Variants in SLC24A2 observed in about 807,000 individuals in gnomAD.
SLC24A2 encodes the protein sodium/potassium/calcium exchanger 2.
SLC24A2 carries 36 observed loss-of-function variants against 62.0 expected under a neutral mutation model. That is an observed-to-expected ratio of 0.58 (90% CI 0.44 to 0.77). The LOEUF (loss-of-function observed/expected upper bound fraction) is 0.77, where lower values mean the gene tolerates loss of function less well. Among genes scored for constraint, SLC24A2 ranks in the 30% least tolerant of loss-of-function variants. SLC24A2 has a pLI of 0.00. For synonymous variants in SLC24A2, 358 were observed against 294.0 expected (o/e 1.22, Z -2.23); for missense variants, 846 against 817.9 (o/e 1.03, Z -0.42).
the SLC24A2 span, among the ~76,000 whole-genome samples, chr9:19,906,846 C>A: frequency 6.6e-6 from 1 of 152,072 alleles, no homozygotes; most frequent in African/African-American, 2.4e-5. Context: ...AGCTTACCAA[C>A]CAAAAAAAGT....
chr9:19,835,641 C>T, the SLC24A2 span, among the ~76,000 whole-genome samples: 1 of 152,060 alleles, frequency 6.6e-6, no homozygotes. Context: ...ACTTTAATAC[C>T]CCACTGTCAA....
the SLC24A2 span, among the ~76,000 whole-genome samples, chr9:19,974,196 T>C: frequency 6.6e-6 from 1 of 152,308 alleles, no homozygotes; most frequent in Admixed American, 6.5e-5. Context: ...TTTAATTATA[T>C]ACAATTACTA....
chr9:20,305,693 A>T, the SLC24A2 span, among the ~76,000 whole-genome samples: 1 of 152,248 alleles, frequency 6.6e-6, no homozygotes. Flanking sequence ...CAATAGCATT[A>T]TCCCAGTATA....
intron 8 of SLC24A2, among the ~76,000 whole-genome samples, chr9:19,544,687 G>A (rs1427953018): frequency 3.3e-5 from 5 of 152,220 alleles, no homozygotes; most frequent in Admixed American, 6.5e-5. Flanking sequence ...CTTCACTTAC[G>A]AAACTGAGTT....
chr9:19,589,553 T>C (rs2132881811), intron 5 of SLC24A2, among the ~76,000 whole-genome samples: 1 of 152,340 alleles, frequency 6.6e-6, no homozygotes, highest in East Asian at 1.9e-4. Context: ...GTGGTAAACG[T>C]TTGGATTTGT....
intron 7 of SLC24A2, among the ~76,000 whole-genome samples, chr9:19,564,929 T>C (rs921344763): frequency 1.6e-4 from 24 of 152,034 alleles, no homozygotes; most frequent in African/African-American, 3.4e-4. Flanking sequence ...CCCATCTAGA[T>C]TGGCAAAATT....
intron 2 of SLC24A2, among the ~76,000 whole-genome samples, chr9:19,734,349 G>A (rs978371779): frequency 1.3e-5 from 2 of 152,122 alleles, no homozygotes; most frequent in East Asian, 1.9e-4. Flanking sequence ...TTTTGGCTTC[G>A]GATTGACTTG....
intron 2 of SLC24A2, among the ~76,000 whole-genome samples, chr9:19,706,527 G>A (rs1388311906): frequency 6.6e-6 from 1 of 151,816 alleles, no homozygotes; most frequent in Admixed American, 6.6e-5. Context: ...CTACAGGCAC[G>A]CGCCACCATG....
the SLC24A2 span, among the ~76,000 whole-genome samples, chr9:19,889,471 A>AACAGTCC: frequency 0.4 from 60,077 of 151,396 alleles, 12,441 homozygotes; most frequent in East Asian, 0.82. Context: ...GTAGTTCCAA[A>AACAGTCC]ACAGTCCATA....
the SLC24A2 span, among the ~76,000 whole-genome samples, chr9:20,135,779 AGCTCCAG>A: frequency 2.0e-5 from 3 of 152,118 alleles, no homozygotes; most frequent in African/African-American, 7.2e-5. Context: ...TGAAACTTCA[AGCTCCAG>A]GCTCCAAAAT....
chr9:20,227,106 C>T, the SLC24A2 span, among the ~76,000 whole-genome samples: 1 of 152,088 alleles, frequency 6.6e-6, no homozygotes, highest in Admixed American at 6.6e-5. Flanking sequence ...ACTGTTTATG[C>T]TCTCGTTGGC....
chr9:19,783,797 T>C (rs538153400), intron 2 of SLC24A2, among the ~76,000 whole-genome samples: 58 of 152,298 alleles, frequency 3.8e-4, no homozygotes, highest in African/African-American at 1.3e-3. Flanking sequence ...TTTTGAGAAG[T>C]ACAAAATAAG....
the SLC24A2 span, among the ~76,000 whole-genome samples, chr9:20,209,328 A>T: frequency 6.6e-6 from 1 of 152,124 alleles, no homozygotes; most frequent in African/African-American, 2.4e-5. Context: ...GATAACATTC[A>T]TTTTATGAAA....
At chr9:20,150,919 A>G in the SLC24A2 span, among the ~76,000 whole-genome samples, 1 of 151,932 alleles carries the variant, frequency 6.6e-6, no homozygotes, top group African/African-American at 2.4e-5. Flanking sequence ...TTCCATTGAC[A>G]TTTTTATATT....
intron 1 of SLC24A2, among the ~76,000 whole-genome samples, chr9:19,787,277 C>A (rs1365084272): frequency 6.6e-6 from 1 of 151,994 alleles, no homozygotes; most frequent in African/African-American, 2.4e-5. Flanking sequence ...ATGTATAAAC[C>A]CAAATAAATA....
At chr9:19,937,969 A>G in the SLC24A2 span, among the ~76,000 whole-genome samples, 1 of 152,222 alleles carries the variant, frequency 6.6e-6, no homozygotes, top group African/African-American at 2.4e-5. Context: ...ATGAAAATAC[A>G]TGAAAAGAAG....
chr9:19,687,921 C>A (rs1286596277), intron 2 of SLC24A2, among the ~76,000 whole-genome samples: 1 of 152,056 alleles, frequency 6.6e-6, no homozygotes, highest in African/African-American at 2.4e-5. Flanking sequence ...GGAGTCATCC[C>A]TTTGCCCCAT....
the SLC24A2 span, among the ~76,000 whole-genome samples, chr9:19,986,705 G>A: frequency 6.6e-6 from 1 of 152,160 alleles, no homozygotes; most frequent in Non-Finnish European, 1.5e-5. Context: ...ATTACATATT[G>A]TATGATTCCA....
At chr9:20,160,861 A>C in the SLC24A2 span, among the ~76,000 whole-genome samples, 1 of 151,034 alleles carries the variant, frequency 6.6e-6, no homozygotes, top group Non-Finnish European at 1.5e-5. Flanking sequence ...AACAGAAAAA[A>C]AAAGCCAAAA....
Sources: allele counts gnomAD v4.1 joint callset (sites outside exome capture counted in the v4.1 genomes callset), GRCh38; gene constraint gnomAD v4.1.1; transcripts MANE v1.5; gene names NCBI Gene and HGNC (gene_info 2026-07-23, HGNC 2026-07-21).